ATP2B4: variants seen among roughly 807,000 people sequenced by gnomAD.
The protein encoded by ATP2B4 is ATPase plasma membrane Ca2+ transporting 4.
In ATP2B4, 39 loss-of-function variants were observed where a neutral mutation model predicts 110.3. The ratio of observed to expected loss-of-function variants is 0.35; its 90% CI spans 0.27 to 0.46. The LOEUF is 0.46. Ranked by LOEUF, ATP2B4 falls within the 20% of genes least tolerant of loss-of-function variation. ATP2B4 has a pLI of 1.00. For missense variants in ATP2B4, 1,135 were observed against 1,530.9 expected (o/e 0.74, Z 4.32); for synonymous variants, 538 against 571.7 (o/e 0.94, Z 0.84).
At chr1:203,633,880 GTC>G (rs1663354855) in intron 1 of ATP2B4, among the ~76,000 whole-genome samples, 1 of 151,860 alleles carries the variant, frequency 6.6e-6, no homozygotes, top group Admixed American at 6.6e-5. Context: ...GAGAAACCCC[GTC>G]TCTACTAAAA....
chr1:203,694,701 G>T (rs150167905), intron 2 of ATP2B4, among the ~76,000 whole-genome samples: 1 of 152,140 alleles, frequency 6.6e-6, no homozygotes, highest in Non-Finnish European at 1.5e-5. Flanking sequence ...AGGGTTTTGA[G>T]CAGATGAATC....
At chr1:203,639,562 C>T (rs1663563975) in intron 1 of ATP2B4, among the ~76,000 whole-genome samples, 1 of 152,198 alleles carries the variant, frequency 6.6e-6, no homozygotes, top group South Asian at 2.1e-4. Flanking sequence ...CACAACTGAG[C>T]TGGTAGGGGC....
intron 1 of ATP2B4, among the ~76,000 whole-genome samples, chr1:203,628,803 T>A (rs1416509507): frequency 1.4e-5 from 2 of 147,228 alleles, no homozygotes; most frequent in Non-Finnish European, 3.0e-5. Context: ...GGGCCAGGAG[T>A]GTTTAGGAAG....
chr1:203,641,657 C>G (rs576191447), intron 1 of ATP2B4, among the ~76,000 whole-genome samples: 2 of 152,164 alleles, frequency 1.3e-5, no homozygotes, highest in Non-Finnish European at 2.9e-5. Context: ...ACTCTTACAA[C>G]ATGCTATGGT....
At chr1:203,643,479 C>A (rs145889753) in intron 1 of ATP2B4, among the ~76,000 whole-genome samples, 184 of 152,364 alleles carry the variant, frequency 1.2e-3, no homozygotes, top group African/African-American at 3.7e-3. Context: ...AGGCTGGAAT[C>A]TCCCCTGCTT....
At chr1:203,676,148 C>T (rs530174893) in intron 1 of ATP2B4, among the ~76,000 whole-genome samples, 3 of 152,288 alleles carry the variant, frequency 2.0e-5, no homozygotes, top group Admixed American at 2.0e-4. Flanking sequence ...ACAAGTGGTC[C>T]CACCCGCCAC....
At chr1:203,714,835 T>C (rs189464827) in intron 15 of ATP2B4, among the ~76,000 whole-genome samples, 61 of 152,288 alleles carry the variant, frequency 4.0e-4, no homozygotes, top group African/African-American at 1.4e-3. Flanking sequence ...TAGTTTATGA[T>C]TATAAGCCTC....
intron 4 of ATP2B4, 149 bp from the exon 5 acceptor site, chr1:203,700,056 TA>T: frequency 1.0e-6 from 1 of 991,654 alleles, no homozygotes; most frequent in Non-Finnish European, 1.5e-6. Context: ...TGAAGACTTG[TA>T]AAGAGTCTCC....
At chr1:203,652,490 T>G (rs1664029081) in intron 1 of ATP2B4, among the ~76,000 whole-genome samples, 1 of 152,196 alleles carries the variant, frequency 6.6e-6, no homozygotes, top group Admixed American at 6.5e-5. Context: ...GAAGAAAAAT[T>G]ATAAGCATAC....
At chr1:203,678,808 G>A (rs1252315356) in intron 1 of ATP2B4, among the ~76,000 whole-genome samples, 1 of 152,122 alleles carries the variant, frequency 6.6e-6, no homozygotes, top group Non-Finnish European at 1.5e-5. Context: ...AGGCAGTCAA[G>A]ACCACTGACT....
Position 203,742,472 on chromosome 1 carries a change from A to C in ATP2B4, c.*2618A>C, listed in dbSNP as rs900629487. 2 of 152,660 alleles carry C rather than the reference A, an allele frequency of 1.3e-5. No individual in the cohort carries two copies. Among genetic ancestry groups the C allele is most frequent in the Non-Finnish European group, 2.9e-5 (2 of 68,040 alleles). 9.5% of individuals were successfully genotyped at this position (152,660 alleles called of 1,614,324 possible). A position where few individuals can be genotyped will look rare whatever the true frequency, so the allele number is the denominator to read the frequency against. ...TGGGTAAATATGGCATAAGTTAATA[A>C]CACTTTTCCCCAAAATGGTGCTTTG... On this transcript the variant is annotated 3_prime_UTR_variant, in exon 21 of 21. Transcript: ENST00000357681.
Position 203,700,808 on chromosome 1 carries a change from C to A in ATP2B4, c.786C>A (p.Val262=). The change falls in exon 6 of 21, where the codon GTC becomes GTA. Residue 262 remains valine, a synonymous_variant. Coordinates refer to ENST00000357681, the MANE Select transcript of ATP2B4 (RefSeq NM_001684.5). ...TCCTTTCCCGTGTAGGGACCCATGTCATGGAAGGTTCTGGCCGGATGGTGG... is the reference window on the plus strand; with the variant it reads ...TCCTTTCCCGTGTAGGGACCCATGTAATGGAAGGTTCTGGCCGGATGGTGG... The part of the protein sequence containing the change: ...KDPMLLSGTH[V]MEGSGRMVVT... 5.0e-6 allele frequency: 8 copies of A among 1,613,170 alleles called. No homozygotes were observed. Among genetic ancestry groups the A allele is most frequent in the Non-Finnish European group, 6.8e-6 (8 of 1,179,530 alleles).
intron 4 of ATP2B4, 108 bp downstream of exon 4, chr1:203,699,825 T>C (rs1438906709): frequency 1.3e-6 from 2 of 1,508,176 alleles, no homozygotes; most frequent in African/African-American, 1.4e-5. Context: ...AAAGATAAGA[T>C]CCAAAATTGT....
intron 16 of ATP2B4, 31 bp from the exon 17 acceptor site, chr1:203,721,166 A>C: frequency 6.2e-7 from 1 of 1,609,060 alleles, no homozygotes; most frequent in South Asian, 1.1e-5. Flanking sequence ...TTCAGAGAAA[A>C]GCTAAAAGGA....
chr1:203,691,681 C>G (rs2102374067), intron 2 of ATP2B4, among the ~76,000 whole-genome samples: 1 of 152,286 alleles, frequency 6.6e-6, no homozygotes, highest in South Asian at 2.1e-4. Context: ...AGCTGGAAGT[C>G]TAGCAGATAG....
At chr1:203,708,643 G>A (rs1280605077) in intron 10 of ATP2B4, among the ~76,000 whole-genome samples, 1 of 152,086 alleles carries the variant, frequency 6.6e-6, no homozygotes, top group Non-Finnish European at 1.5e-5. Context: ...GATCGCTTGA[G>A]CCCAGGAGTT....
chr1:203,698,013 T>G (rs12030160), intron 2 of ATP2B4, 144 bp from the exon 3 acceptor site: 482,475 of 700,140 alleles, frequency 0.69, 168,951 homozygotes, highest in Admixed American at 0.78. Flanking sequence ...CCTCTTTATT[T>G]TATTTATTTT....
chr1:203,705,832 C>T (rs893545819), intron 8 of ATP2B4, among the ~76,000 whole-genome samples: 4 of 152,160 alleles, frequency 2.6e-5, no homozygotes, highest in African/African-American at 7.2e-5. Context: ...AAGTCAGATG[C>T]TTTCCACCAC....
At chr1:203,715,985 C>T (rs2102206078) in intron 15 of ATP2B4, among the ~76,000 whole-genome samples, 1 of 144,476 alleles carries the variant, frequency 6.9e-6, no homozygotes, top group Admixed American at 6.9e-5. Context: ...AACTGGGGCC[C>T]AGAAATCTTA....
Sources: gnomAD v4.1 joint callset for allele counts (sites outside exome capture counted in the v4.1 genomes callset) on GRCh38, gnomAD v4.1.1 for gene constraint, MANE v1.5 for transcripts, NCBI Gene and HGNC (gene_info 2026-07-23, HGNC 2026-07-21) for gene names.